ITGAV: variants seen among roughly 807,000 people sequenced by gnomAD.
ITGAV encodes the protein integrin alpha-V.
In ITGAV, 76 loss-of-function variants were observed where a neutral mutation model predicts 143.8. That is an observed-to-expected ratio of 0.53 (90% confidence interval 0.44 to 0.64). The LOEUF (loss-of-function observed/expected upper bound fraction) is 0.64. ITGAV is among the 30% of genes least tolerant of loss of function. The pLI, the probability that ITGAV is intolerant of heterozygous loss-of-function variation, is 0.00. For synonymous variants in ITGAV, 453 were observed against 446.7 expected (o/e 1.01, Z -0.18); for missense variants, 1,193 against 1,274.7 (o/e 0.94, Z 0.98).
chr2:186,610,482 A>C (rs1687187320), intron 2 of ITGAV, among the ~76,000 whole-genome samples: 1 of 152,168 alleles, frequency 6.6e-6, no homozygotes, highest in African/African-American at 2.4e-5. Flanking sequence ...TGTTTTAAAA[A>C]GTTTCTTATT....
intron 1 of ITGAV, among the ~76,000 whole-genome samples, chr2:186,596,254 A>G (rs915671702): frequency 2.6e-5 from 4 of 152,238 alleles, no homozygotes; most frequent in Non-Finnish European, 4.4e-5. Context: ...ATTGATTTGC[A>G]GTGTTTGTAA....
chr2:186,651,171 G>A (rs535950403), intron 14 of ITGAV, among the ~76,000 whole-genome samples: 6 of 152,184 alleles, frequency 3.9e-5, no homozygotes, highest in Admixed American at 6.5e-5. Flanking sequence ...TATGATCTGA[G>A]TTTATACATG....
intron 2 of ITGAV, among the ~76,000 whole-genome samples, chr2:186,621,591 T>C (rs1474188370): frequency 2.6e-5 from 4 of 152,182 alleles, no homozygotes; most frequent in African/African-American, 7.2e-5. Flanking sequence ...GGTCGACATG[T>C]CTTAGTGGTC....
At chr2:186,669,850 T>G in intron 26 of ITGAV, 36 bp downstream of exon 26, 1 of 1,365,732 alleles carries the variant, frequency 7.3e-7, no homozygotes, top group Non-Finnish European at 1.0e-6. Context: ...CCATAGACAT[T>G]TAAAAATATG....
At position 186,665,207 on chromosome 2, in the gene ITGAV, G is replaced by T. The variant is rs771156414; in HGVS notation, c.2155G>T (p.Ala719Ser). Residue 719 changes from alanine (A) to serine (S), a missense_variant, in exon 21 of 30, where the codon GCT becomes TCT. Coordinates refer to ENST00000261023, the MANE Select transcript of ITGAV (RefSeq NM_002210.5). Reference protein sequence around the residue: ...VVCDLGNPMKAGTQLLAGLRF... With the variant: ...VVCDLGNPMKSGTQLLAGLRF... ...ATGTGACCTTGGAAACCCAATGAAG[G>T]CTGGAACTCAAGTAAGACAATTTAA... 3 of 1,606,902 alleles carry T rather than the reference G, an allele frequency of 1.9e-6. No homozygotes were observed. The highest frequency in any genetic ancestry group is 2.6e-6 in the Non-Finnish European group (3 of 1,174,300).
At chr2:186,616,318 G>A (rs1215202094) in intron 2 of ITGAV, among the ~76,000 whole-genome samples, 1 of 118,652 alleles carries the variant, frequency 8.4e-6, no homozygotes, top group Admixed American at 1.2e-4. Context: ...TCGCTCTGTC[G>A]CCCAGGCTGG....
intron 18 of ITGAV, among the ~76,000 whole-genome samples, chr2:186,661,465 A>G (rs906352233): frequency 1.2e-4 from 19 of 152,170 alleles, no homozygotes; most frequent in African/African-American, 4.6e-4. Context: ...TATATTGGAC[A>G]ATGCAGTTCT....
At chr2:186,600,212 G>A in intron 1 of ITGAV, 1 of 862,946 alleles carries the variant, frequency 1.2e-6, no homozygotes, top group Non-Finnish European at 1.8e-6. Flanking sequence ...TTTCTTTGTA[G>A]CTCCTGGAGA....
chr2:186,594,471 C>G (rs1057253447), intron 1 of ITGAV, among the ~76,000 whole-genome samples: 1 of 152,158 alleles, frequency 6.6e-6, no homozygotes, highest in African/African-American at 2.4e-5. Flanking sequence ...GCTTTCTACT[C>G]CTTATTTCAG....
chr2:186,674,435 G>C (rs1689150144), intron 26 of ITGAV, among the ~76,000 whole-genome samples: 1 of 151,744 alleles, frequency 6.6e-6, no homozygotes, highest in African/African-American at 2.4e-5. Flanking sequence ...GGATTATTTA[G>C]TGTTTTCTAT....
chr2:186,631,717 AATAAAGCAT>A (rs1208373545), intron 5 of ITGAV, among the ~76,000 whole-genome samples: 2 of 152,208 alleles, frequency 1.3e-5, no homozygotes, highest in African/African-American at 2.4e-5. Flanking sequence ...CATAAGAACT[AATAAAGCAT>A]TTTCTTATTT....
intron 18 of ITGAV, among the ~76,000 whole-genome samples, chr2:186,660,157 T>G (rs1250426838): frequency 6.6e-6 from 1 of 152,154 alleles, no homozygotes. Context: ...GTTTATAGTT[T>G]TATAATTTTT....
chr2:186,665,117 C>G lies in ITGAV; in HGVS notation c.2074-9C>G. The G allele has an allele frequency of 1.2e-5, 15 of 1,276,858 alleles. No homozygotes were observed. The highest frequency in any genetic ancestry group is 2.5e-5 in the Admixed American group (1 of 39,296). The allele number at this position is 1,276,858 out of a possible 1,614,324, so 79.1% of individuals were successfully genotyped here. A position where few individuals can be genotyped will look rare whatever the true frequency, so the allele number is the denominator to read the frequency against. On this transcript the variant is annotated splice_polypyrimidine_tract_variant and intron_variant, in intron 20 of 29. Transcript: ENST00000261023. ...ATCCATTTTTTTTTTTTTTTTTGGT[C>G]TATCAAAGGCCTTAGCAAGACTTTC...
At chr2:186,609,400 A>C (rs949697211) in intron 2 of ITGAV, among the ~76,000 whole-genome samples, 10 of 152,168 alleles carry the variant, frequency 6.6e-5, no homozygotes, top group African/African-American at 2.4e-4. Context: ...GTATCATAAC[A>C]CAACTTTCTT....
chr2:186,648,815 C>G (rs1688335295), intron 13 of ITGAV, among the ~76,000 whole-genome samples: 1 of 151,752 alleles, frequency 6.6e-6, no homozygotes, highest in Non-Finnish European at 1.5e-5. Flanking sequence ...CTTAACTATA[C>G]ATAAATAAAA....
intron 13 of ITGAV, among the ~76,000 whole-genome samples, chr2:186,649,045 T>C: frequency 6.9e-6 from 1 of 145,660 alleles, no homozygotes; most frequent in South Asian, 2.2e-4. Context: ...TGTATATATA[T>C]ACACACATTT....
At chr2:186,649,131 A>G (rs61762241) in intron 13 of ITGAV, among the ~76,000 whole-genome samples, 42,040 of 147,014 alleles carry the variant, frequency 0.29, 6,780 homozygotes, top group Middle Eastern at 0.37. Context: ...TCTTTCATTC[A>G]TTCATTTTTT....
intron 2 of ITGAV, among the ~76,000 whole-genome samples, chr2:186,620,960 A>G (rs1272728201): frequency 6.6e-6 from 1 of 152,206 alleles, no homozygotes; most frequent in Non-Finnish European, 1.5e-5. Flanking sequence ...TATAAAAAAC[A>G]TGCATGTATT....
At chr2:186,626,675 C>T (rs1687685054) in intron 4 of ITGAV, among the ~76,000 whole-genome samples, 1 of 152,136 alleles carries the variant, frequency 6.6e-6, no homozygotes, top group African/African-American at 2.4e-5. Flanking sequence ...CTTAGCCCAA[C>T]ACTTTGATCC....
Sources: allele counts gnomAD v4.1 joint callset (sites outside exome capture counted in the v4.1 genomes callset), GRCh38; gene constraint gnomAD v4.1.1; transcripts MANE v1.5; gene names NCBI Gene and HGNC (gene_info 2026-07-23, HGNC 2026-07-21).